CLINT1: variants seen among roughly 807,000 people sequenced by gnomAD.
The protein encoded by CLINT1 is clathrin interacting protein localized in the trans-Golgi region.
In CLINT1, 15 loss-of-function variants were observed where a neutral mutation model predicts 70.4. The ratio of observed to expected loss-of-function variants is 0.21; its 90% confidence interval spans 0.14 to 0.33. The LOEUF is 0.33. Ranked by LOEUF, CLINT1 falls within the 10% of genes least tolerant of loss-of-function variation. The pLI, the probability that CLINT1 is intolerant of heterozygous loss-of-function variation, is 1.00. For synonymous variants in CLINT1, 227 were observed against 254.7 expected, an observed-to-expected ratio of 0.89 and a Z score of 1.04; for missense variants, 615 against 778.1, an observed-to-expected ratio of 0.79 and a Z score of 2.49.
chr5:157,858,562 G>A (rs1753828674), intron 1 of CLINT1, among the ~76,000 whole-genome samples: 2 of 152,166 alleles, frequency 1.3e-5, no homozygotes, highest in African/African-American at 4.8e-5. Flanking sequence ...CTGCTCCCCA[G>A]GAGGCAAAGC....
intron 8 of CLINT1, among the ~76,000 whole-genome samples, chr5:157,796,533 T>C (rs1307393961): frequency 6.6e-6 from 1 of 152,200 alleles, no homozygotes; most frequent in Non-Finnish European, 1.5e-5. Context: ...GTGAACATTA[T>C]ATAGGTTACA....
rs1349711566 is a variant in CLINT1, at chr5:157,795,076, C to T, written c.1013-104G>A. The T allele has an allele frequency of 2.5e-4, 208 of 838,816 alleles. 1 individual carries two copies. The East Asian group carries it at 5.2e-3, about 21-fold the overall frequency. The allele number at this position is 838,816 out of a possible 1,614,324, so 52.0% of individuals were successfully genotyped here. ...CACAAAAAGTACCTAATATTAGAGG[C>T]CCAGATGCCTCACAAAAGCTAAAGC... is the stretch of plus-strand genomic sequence containing the variant. On this transcript the variant is annotated intron_variant, in intron 8 of 11. Coordinates refer to ENST00000411809, the MANE Select transcript of CLINT1 (RefSeq NM_014666.4).
chr5:157,853,631 G>A (rs1753649003), intron 1 of CLINT1, among the ~76,000 whole-genome samples: 1 of 151,832 alleles, frequency 6.6e-6, no homozygotes, highest in South Asian at 2.1e-4. Flanking sequence ...ACAAAAATTA[G>A]CCGGGCATGG....
intron 1 of CLINT1, among the ~76,000 whole-genome samples, chr5:157,820,879 C>T (rs1762862371): frequency 6.6e-6 from 1 of 152,166 alleles, no homozygotes; most frequent in South Asian, 2.1e-4. Flanking sequence ...ACACACACAA[C>T]AATCCAGACA....
chr5:157,827,628 G>C (rs572765846), intron 1 of CLINT1, among the ~76,000 whole-genome samples: 4 of 152,116 alleles, frequency 2.6e-5, no homozygotes, highest in African/African-American at 7.2e-5. Flanking sequence ...AAAACTACAC[G>C]AATGCGATAA....
At chr5:157,815,149 A>AC (rs1762681229) in intron 3 of CLINT1, among the ~76,000 whole-genome samples, 1 of 151,512 alleles carries the variant, frequency 6.6e-6, no homozygotes, top group Admixed American at 6.6e-5. Context: ...ACACACACAC[A>AC]AATAGCTGGG....
chr5:157,821,683 G>T (rs530175335), intron 1 of CLINT1, among the ~76,000 whole-genome samples: 1 of 152,262 alleles, frequency 6.6e-6, no homozygotes, highest in African/African-American at 2.4e-5. Flanking sequence ...GATAAAGATA[G>T]GTAATTACTA....
intron 1 of CLINT1, among the ~76,000 whole-genome samples, chr5:157,843,420 G>A (rs188171715): frequency 2.8e-4 from 42 of 152,228 alleles, no homozygotes; most frequent in African/African-American, 9.6e-4. Flanking sequence ...TGTCCCAAAA[G>A]AATAAGAATA....
At chr5:157,857,618 A>G (rs1753801083) in intron 1 of CLINT1, among the ~76,000 whole-genome samples, 1 of 152,194 alleles carries the variant, frequency 6.6e-6, no homozygotes. Context: ...CTTAAGCCTC[A>G]CAACAACATT....
intron 1 of CLINT1, among the ~76,000 whole-genome samples, chr5:157,824,138 CTTTTT>C (rs1762960019): frequency 6.6e-6 from 1 of 152,156 alleles, no homozygotes; most frequent in South Asian, 2.1e-4. Flanking sequence ...TTTGGTCTTT[CTTTTT>C]ATGTTTCCAT....
intron 1 of CLINT1, among the ~76,000 whole-genome samples, chr5:157,840,192 CAAAAAAAAAAAAA>C (rs57245921): frequency 1.8e-5 from 1 of 55,332 alleles, no homozygotes; most frequent in African/African-American, 9.1e-5. Context: ...GAGACTGCCT[CAAAAAAAAAAAAA>C]AAAAAAAAGG....
At chr5:157,801,651 A>C (rs1762226295) in intron 8 of CLINT1, among the ~76,000 whole-genome samples, 1 of 151,600 alleles carries the variant, frequency 6.6e-6, no homozygotes, top group South Asian at 2.1e-4. Flanking sequence ...TGGCCAACAC[A>C]GTGAAACTCC....
At chr5:157,791,249 T>A (rs254684) in intron 10 of CLINT1, among the ~76,000 whole-genome samples, 1 of 152,020 alleles carries the variant, frequency 6.6e-6, no homozygotes, top group South Asian at 2.1e-4. Context: ...TAGTAGAGAC[T>A]GGGTTTCACC....
intron 1 of CLINT1, among the ~76,000 whole-genome samples, chr5:157,843,749 TA>T (rs1338989880): frequency 6.6e-6 from 1 of 152,078 alleles, no homozygotes; most frequent in East Asian, 1.9e-4. Flanking sequence ...GGACAACATC[TA>T]AAAAAAGTAG....
intron 1 of CLINT1, among the ~76,000 whole-genome samples, chr5:157,824,565 G>A (rs895498525): frequency 3.9e-5 from 6 of 152,122 alleles, no homozygotes; most frequent in African/African-American, 1.4e-4. Context: ...TAACACAAGC[G>A]ACAACATAGC....
intron 11 of CLINT1, among the ~76,000 whole-genome samples, chr5:157,789,044 A>G (rs978592377): frequency 3.9e-5 from 6 of 151,990 alleles, no homozygotes; most frequent in Non-Finnish European, 5.9e-5. Flanking sequence ...CGGCAGAATC[A>G]GATGATTTTT....
chr5:157,815,422 C>T (rs1762690019), intron 3 of CLINT1, among the ~76,000 whole-genome samples: 1 of 152,062 alleles, frequency 6.6e-6, no homozygotes, highest in African/African-American at 2.4e-5. Context: ...TGGAATTAGA[C>T]AGTAGTTACT....
intron 1 of CLINT1, among the ~76,000 whole-genome samples, chr5:157,851,352 T>C (rs998055810): frequency 1.3e-5 from 2 of 152,142 alleles, no homozygotes; most frequent in African/African-American, 4.8e-5. Flanking sequence ...AGAACTTAAA[T>C]ACTGTCCTAA....
intron 8 of CLINT1, among the ~76,000 whole-genome samples, chr5:157,801,731 G>C (rs1762228280): frequency 6.6e-6 from 1 of 152,156 alleles, no homozygotes; most frequent in Non-Finnish European, 1.5e-5. Flanking sequence ...TACTCGAGAA[G>C]CTTAGGCAAG....
Sources: gnomAD v4.1 joint callset for allele counts (sites outside exome capture counted in the v4.1 genomes callset) on GRCh38, gnomAD v4.1.1 for gene constraint, MANE v1.5 for transcripts, NCBI Gene and HGNC (gene_info 2026-07-23, HGNC 2026-07-21) for gene names.